The following EXD1 variants were observed in gnomAD, a reference collection of about 807,000 sequenced individuals.
EXD1 encodes exonuclease 3'-5' domain containing 1.
EXD1 carries 63 observed loss-of-function variants against 49.1 expected under a neutral mutation model. That is an observed-to-expected ratio of 1.28 (90% CI 1.05 to 1.58). The LOEUF (loss-of-function observed/expected upper bound fraction) is 1.58. Ranked by LOEUF, EXD1 falls within the 40% of genes most tolerant of loss-of-function variation. The pLI, the probability that EXD1 is intolerant of heterozygous loss-of-function variation, is 0.00. For synonymous variants in EXD1, 234 were observed against 239.2 expected, an observed-to-expected ratio of 0.98 and a Z score of 0.20; for missense variants, 748 against 666.0, an observed-to-expected ratio of 1.12 and a Z score of -1.36.
chr15:41,187,917 A>G (rs2046440313), intron 11 of EXD1, among the ~76,000 whole-genome samples: 1 of 149,102 alleles, frequency 6.7e-6, no homozygotes, highest in Non-Finnish European at 1.5e-5. Flanking sequence ...CAGGAGGCTG[A>G]GGCAGGAGAA....
chr15:41,202,828 G>A (rs567116944), intron 7 of EXD1, among the ~76,000 whole-genome samples: 1 of 150,032 alleles, frequency 6.7e-6, no homozygotes, highest in Non-Finnish European at 1.5e-5. Flanking sequence ...TGAGGCGCGA[G>A]AATCGCTGGA....
At chr15:41,200,775 A>T (rs929348933) in intron 7 of EXD1, among the ~76,000 whole-genome samples, 29 of 152,088 alleles carry the variant, frequency 1.9e-4, no homozygotes, top group African/African-American at 7.0e-4. Context: ...TCAGAATTGA[A>T]TTGGAGGACA....
At chr15:41,212,688 C>G (rs1369406652) in intron 6 of EXD1, among the ~76,000 whole-genome samples, 1 of 152,052 alleles carries the variant, frequency 6.6e-6, no homozygotes, top group Non-Finnish European at 1.5e-5. Context: ...AGAAACAACC[C>G]AAATGTCCAT....
rs1372038706 is a variant in EXD1 at position 41,195,957 on chromosome 15, T to C, written c.615A>G (p.Ile205Met). The C allele has an allele frequency of 1.2e-6, 2 of 1,612,102 alleles. No homozygotes were observed. Among genetic ancestry groups the C allele is most frequent in the Non-Finnish European group, 1.7e-6 (2 of 1,179,490 alleles). The stretch of plus-strand genomic sequence containing the variant: ...CCTTCAAAATTCTCTTGTCTTCTAG[T>C]ATCATCTGAAGTCCATTGTGGAAAG... ...SRAFHNGLQM[I>M]LEDKRILKVI... The change falls in exon 8 of 12, where the codon ATA becomes ATG. Residue 205 changes from isoleucine (I) to methionine (M), a missense_variant. Transcript: ENST00000458580.
chr15:41,225,476 T>A (rs1198216928), intron 2 of EXD1, among the ~76,000 whole-genome samples: 1 of 151,888 alleles, frequency 6.6e-6, no homozygotes. Context: ...CCCCAGCTAC[T>A]TGGGAGGCTG....
chr15:41,219,952 A>C (rs1202527036), intron 2 of EXD1, 54 bp from the exon 3 acceptor site: 16 of 1,404,218 alleles, frequency 1.1e-5, no homozygotes, highest in Non-Finnish European at 1.4e-5. Context: ...TAAAACTCTA[A>C]GAAAATATGA....
chr15:41,199,732 T>TATACATC (rs2046684093), intron 7 of EXD1, among the ~76,000 whole-genome samples: 3 of 78,842 alleles, frequency 3.8e-5, no homozygotes, highest in African/African-American at 1.7e-4. Context: ...TTATATATGA[T>TATACATC]ATATATGTCA....
intron 11 of EXD1, among the ~76,000 whole-genome samples, chr15:41,187,356 C>T (rs1348542105): frequency 6.6e-6 from 1 of 152,124 alleles, no homozygotes; most frequent in African/African-American, 2.4e-5. Flanking sequence ...TCCCAAAGTG[C>T]TGGGATTACA....
chr15:41,213,888 T>C (rs1239675491), intron 6 of EXD1, among the ~76,000 whole-genome samples: 1 of 152,220 alleles, frequency 6.6e-6, no homozygotes, highest in Non-Finnish European at 1.5e-5. Flanking sequence ...TTGTATGGCA[T>C]GTGGATTATA....
intron 7 of EXD1, among the ~76,000 whole-genome samples, chr15:41,209,081 C>A (rs1232496343): frequency 6.6e-6 from 1 of 151,988 alleles, no homozygotes; most frequent in Non-Finnish European, 1.5e-5. Context: ...AACATTCCAA[C>A]AAGTTATGCA....
chr15:41,222,181 G>A (rs935797491), intron 2 of EXD1, among the ~76,000 whole-genome samples: 48 of 152,142 alleles, frequency 3.2e-4, no homozygotes, highest in African/African-American at 9.4e-4. Flanking sequence ...TTGGGAGGCC[G>A]AGGCAGGCAG....
chr15:41,214,963 T>G (rs1366402456), intron 6 of EXD1, among the ~76,000 whole-genome samples: 2 of 152,062 alleles, frequency 1.3e-5, no homozygotes, highest in Admixed American at 6.6e-5. Context: ...GCCAGGATGG[T>G]CTCAATCTCC....
At chr15:41,213,932 TGTTCA>T (rs1046586913) in intron 6 of EXD1, among the ~76,000 whole-genome samples, 9 of 152,336 alleles carry the variant, frequency 5.9e-5, no homozygotes, top group Admixed American at 3.9e-4. Flanking sequence ...AAAAATCTTC[TGTTCA>T]GTTCAGACTT....
At chr15:41,229,635 G>A (rs1748822447) in intron 1 of EXD1, among the ~76,000 whole-genome samples, 1 of 152,162 alleles carries the variant, frequency 6.6e-6, no homozygotes, top group African/African-American at 2.4e-5. Flanking sequence ...GGACACGGTG[G>A]CGCATGCCTG....
chr15:41,193,448 G>GA (rs963359629), intron 9 of EXD1, among the ~76,000 whole-genome samples: 1 of 151,950 alleles, frequency 6.6e-6, no homozygotes, highest in Non-Finnish European at 1.5e-5. Context: ...TTCTGGGGGG[G>GA]AAAAAAATGG....
chr15:41,217,211 C>T, intron 3 of EXD1, 57 bp from the exon 4 acceptor site: 6 of 1,397,042 alleles, frequency 4.3e-6, no homozygotes, highest in Non-Finnish European at 6.0e-6. Flanking sequence ...CAATTAACTA[C>T]TCCACTACCC....
chr15:41,203,380 T>C (rs979084360), intron 7 of EXD1, among the ~76,000 whole-genome samples: 6 of 152,056 alleles, frequency 3.9e-5, no homozygotes, highest in African/African-American at 7.2e-5. Context: ...GCCTGAAAAA[T>C]GAAAATCTGC....
At chr15:41,211,741 C>T (rs185082443) in intron 6 of EXD1, among the ~76,000 whole-genome samples, 3 of 146,432 alleles carry the variant, frequency 2.0e-5, no homozygotes, top group Non-Finnish European at 4.4e-5. Flanking sequence ...AGACAGACTG[C>T]TTGAGTCCAG....
At chr15:41,215,904 G>T (rs1021965757) in intron 5 of EXD1, 71 bp from the exon 6 acceptor site, 1 of 1,517,884 alleles carries the variant, frequency 6.6e-7, no homozygotes, top group African/African-American at 1.4e-5. Flanking sequence ...AATAATTTTG[G>T]CCACACTCAT....
Sources: allele counts gnomAD v4.1 joint callset (sites outside exome capture counted in the v4.1 genomes callset), GRCh38; gene constraint gnomAD v4.1.1; transcripts MANE v1.5; gene names NCBI Gene and HGNC (gene_info 2026-07-23, HGNC 2026-07-21).